NEIL3: variants seen among roughly 807,000 people sequenced by gnomAD.
The protein encoded by NEIL3 is nei like DNA glycosylase 3.
NEIL3 carries 48 observed loss-of-function variants against 57.5 expected under a neutral mutation model. That is an observed-to-expected ratio of 0.83 (90% CI 0.66 to 1.06). The LOEUF is 1.06. NEIL3 is among the 50% of genes least tolerant of loss of function. NEIL3 has a pLI of 0.00. For synonymous variants in NEIL3, 261 were observed against 253.2 expected, an observed-to-expected ratio of 1.03 and a Z score of -0.29; for missense variants, 717 against 739.1, an observed-to-expected ratio of 0.97 and a Z score of 0.35.
At chr4:177,339,625 T>C (rs34235834) in intron 4 of NEIL3, among the ~76,000 whole-genome samples, 158 bp from the exon 5 acceptor site, 155 of 152,318 alleles carry the variant, frequency 1.0e-3, no homozygotes, top group Non-Finnish European at 2.1e-3. Flanking sequence ...AAAATCTGCG[T>C]ATAAGTGGAC....
intron 6 of NEIL3, among the ~76,000 whole-genome samples, chr4:177,348,787 G>T (rs1735283826): frequency 6.7e-6 from 1 of 149,882 alleles, no homozygotes; most frequent in Non-Finnish European, 1.5e-5. Context: ...TGGGCCTGAT[G>T]AATTGAGCGA....
At chr4:177,360,454 G>T (rs746203153) in intron 8 of NEIL3, 49 bp from the exon 9 acceptor site, 6 of 1,408,028 alleles carry the variant, frequency 4.3e-6, no homozygotes, top group Non-Finnish European at 5.8e-6. Context: ...GGTGTGAATG[G>T]TCCCTTAGCA....
chr4:177,318,274 C>G (rs1376103400), intron 1 of NEIL3, among the ~76,000 whole-genome samples: 1 of 152,108 alleles, frequency 6.6e-6, no homozygotes, highest in African/African-American at 2.4e-5. Flanking sequence ...GTTGAGGTTT[C>G]CATTAAGAAC....
chr4:177,353,078 C>T (rs781600387), intron 7 of NEIL3, among the ~76,000 whole-genome samples: 1 of 152,064 alleles, frequency 6.6e-6, no homozygotes, highest in Admixed American at 6.6e-5. Flanking sequence ...TTGTTAAACC[C>T]ATGTCTGGGT....
intron 9 of NEIL3, among the ~76,000 whole-genome samples, chr4:177,361,258 C>T (rs112366304): frequency 6.6e-6 from 1 of 152,138 alleles, no homozygotes; most frequent in African/African-American, 2.4e-5. Context: ...ACCTCAGGTC[C>T]GTTTAGTCAG....
chr4:177,355,670 A>G (rs1235242450), intron 8 of NEIL3, among the ~76,000 whole-genome samples: 3 of 152,064 alleles, frequency 2.0e-5, no homozygotes, highest in African/African-American at 4.8e-5. Context: ...GCCTTTACTG[A>G]TGGGTAGATG....
intron 3 of NEIL3, 24 bp downstream of exon 3, chr4:177,335,846 C>T (rs1216224543): frequency 6.6e-7 from 1 of 1,517,216 alleles, no homozygotes; most frequent in African/African-American, 1.4e-5. Flanking sequence ...AATAAAAGTA[C>T]TTACGCTGCA....
chr4:177,358,837 C>T (rs1002641057), intron 8 of NEIL3, among the ~76,000 whole-genome samples: 4 of 152,264 alleles, frequency 2.6e-5, no homozygotes, highest in Middle Eastern at 3.4e-3. Context: ...AACCGTTATC[C>T]AAAACAGCCG....
chr4:177,349,444 C>T (rs932893800), intron 6 of NEIL3, among the ~76,000 whole-genome samples: 1 of 152,146 alleles, frequency 6.6e-6, no homozygotes, highest in African/African-American at 2.4e-5. Context: ...ACTGCAACCT[C>T]TGCCTTTGTG....
At chr4:177,345,617 G>A (rs140569763) in intron 6 of NEIL3, among the ~76,000 whole-genome samples, 1,566 of 150,726 alleles carry the variant, frequency 0.01, 25 homozygotes, top group African/African-American at 0.036. Context: ...TCTTGGCCTC[G>A]TGATCCACCC....
downstream of NEIL3, among the ~76,000 whole-genome samples, chr4:177,366,629 C>T (rs1416905487): frequency 6.6e-6 from 1 of 152,198 alleles, no homozygotes; most frequent in Non-Finnish European, 1.5e-5. Context: ...AAACTCCTGA[C>T]CTCAGGTGAT....
At chr4:177,326,306 C>T (rs1405881017) in intron 2 of NEIL3, among the ~76,000 whole-genome samples, 1 of 152,046 alleles carries the variant, frequency 6.6e-6, no homozygotes, top group Non-Finnish European at 1.5e-5. Context: ...ATCCTTTCTC[C>T]ATTGAATTTC....
At chr4:177,316,162 ATC>A (rs1047393719) in intron 1 of NEIL3, among the ~76,000 whole-genome samples, 2 of 152,120 alleles carry the variant, frequency 1.3e-5, no homozygotes, top group Admixed American at 6.6e-5. Context: ...TTAATGTGGT[ATC>A]TCTCTCTCTC....
chr4:177,371,069 G>C, the NEIL3 span, among the ~76,000 whole-genome samples: 1 of 152,134 alleles, frequency 6.6e-6, no homozygotes, highest in East Asian at 1.9e-4. Context: ...ATCAACAAAA[G>C]AACAGTCTTA....
At chr4:177,364,618 C>T (rs537826662), downstream of NEIL3, among the ~76,000 whole-genome samples, 2 of 152,044 alleles carry the variant, frequency 1.3e-5, no homozygotes, top group Non-Finnish European at 1.5e-5. Flanking sequence ...AAACTGAACA[C>T]GGAGCAACCT....
intron 1 of NEIL3, among the ~76,000 whole-genome samples, chr4:177,316,369 A>G (rs778268276): frequency 2.6e-5 from 4 of 152,064 alleles, no homozygotes; most frequent in African/African-American, 9.7e-5. Flanking sequence ...ACCTTCCCAT[A>G]TGGTTCATTT....
rs1417877184 is a variant in NEIL3 at position 177,351,396 on chromosome 4, A to T, written c.886A>T (p.Asn296Tyr). ...ATCTTATAGCAAGCTACCGACTAGA[A>T]ATACTATAATCAGTTGGACATCTAG... ...HVDICKLPTRNTIISWTSSRV... is the reference protein window; with the variant it reads ...HVDICKLPTRYTIISWTSSRV... The change falls in exon 7 of 10, where the codon AAT becomes TAT. Residue 296 changes from asparagine to tyrosine, a missense_variant. Transcript: ENST00000264596. The T allele has an allele frequency of 2.5e-6, 4 of 1,608,556 alleles. No homozygotes were observed. The highest frequency in any genetic ancestry group is 3.4e-6 in the Non-Finnish European group (4 of 1,178,274).
At chr4:177,336,362 G>T (rs2271102) in intron 4 of NEIL3, 41 bp downstream of exon 4, 1 of 1,560,184 alleles carries the variant, frequency 6.4e-7, no homozygotes, top group Middle Eastern at 1.7e-4. Context: ...TTGATTTTTC[G>T]GTACTGTGAA....
At chr4:177,365,541 G>A (rs1314682587), downstream of NEIL3, among the ~76,000 whole-genome samples, 1 of 151,926 alleles carries the variant, frequency 6.6e-6, no homozygotes, top group African/African-American at 2.4e-5. Flanking sequence ...CCAAAATTTG[G>A]GTGACTAAGA....
Sources: allele counts gnomAD v4.1 joint callset (sites outside exome capture counted in the v4.1 genomes callset), GRCh38; gene constraint gnomAD v4.1.1; transcripts MANE v1.5; gene names NCBI Gene and HGNC (gene_info 2026-07-23, HGNC 2026-07-21).